SDR42E2: variants seen among roughly 807,000 people sequenced by gnomAD.
The protein encoded by SDR42E2 is putative short-chain dehydrogenase/reductase family 42E member 2.
SDR42E2 carries 20 observed loss-of-function variants against 10.5 expected under a neutral mutation model. The observed-to-expected ratio is 1.90, with a 90% CI of 1.34 to 2.77. The LOEUF (loss-of-function observed/expected upper bound fraction) is 2.77. SDR42E2 is among the 30% of genes most tolerant of loss of function. The pLI, the probability that SDR42E2 is intolerant of heterozygous loss-of-function variation, is 0.00. For missense variants in SDR42E2, 162 were observed against 104.2 expected, an observed-to-expected ratio of 1.55 and a Z score of -2.42; for synonymous variants, 72 against 39.2, an observed-to-expected ratio of 1.84 and a Z score of -3.12.
At position 22,184,187 on chromosome 16, in the gene SDR42E2, A is replaced by C. The variant is rs2046719238; in HGVS notation, c.883A>C (p.Lys295Gln). 2 of 401,214 alleles carry C rather than the reference A, an allele frequency of 5.0e-6. No individual in the cohort carries two copies. The highest frequency in any genetic ancestry group is 8.8e-6 in the Non-Finnish European group (2 of 226,326). 24.9% of individuals were successfully genotyped at this position (401,214 alleles called of 1,614,324 possible). The change falls in exon 11 of 13, where the codon AAG becomes CAG. Residue 295 changes from lysine (K) to glutamine (Q), a missense_variant. By Grantham distance (53) the Lys-to-Gln change is moderately conservative. Coordinates refer to ENST00000602312, the MANE Select transcript of SDR42E2 (RefSeq NM_001394319.2). ...LFEWMAPLFE[K>Q]LGYSQPWIQV... ...AGGTCGTGTTTCTTTGCAGTTTGAG[A>C]AGCTGGGGTACAGCCAGCCCTGGAT...
chr16:22,164,803 T>C (rs2046522009), intron 1 of SDR42E2, among the ~76,000 whole-genome samples: 2 of 152,098 alleles, frequency 1.3e-5, no homozygotes, highest in African/African-American at 4.8e-5. Context: ...CCTCTTTCTC[T>C]TCCTCCTCTT....
intron 7 of SDR42E2, among the ~76,000 whole-genome samples, chr16:22,175,650 C>G (rs1278860148): frequency 6.6e-6 from 1 of 151,034 alleles, no homozygotes; most frequent in African/African-American, 2.4e-5. Context: ...CACTGCATTT[C>G]AGCCTGGGTG....
chr16:22,166,643 T>C (rs934375698), intron 3 of SDR42E2, among the ~76,000 whole-genome samples: 2 of 152,006 alleles, frequency 1.3e-5, no homozygotes, highest in African/African-American at 4.8e-5. Context: ...CAGGGTCTCA[T>C]TGGGAGTTGA....
Position 22,190,728 on chromosome 16 carries a change from C to A in SDR42E2, c.*335C>A, listed in dbSNP as rs998266717. ...GTCCCTGGTCGGCCCAGACGCGTAG[C>A]CCCGAGTCTCTTTCCATGTTTTGAC... On this transcript the variant is annotated 3_prime_UTR_variant, in exon 13 of 13. Coordinates refer to ENST00000602312, the MANE Select transcript of SDR42E2 (RefSeq NM_001394319.2). 7 of 292,024 alleles carry A rather than the reference C, an allele frequency of 2.4e-5. No homozygotes were observed. Among genetic ancestry groups the A allele is most frequent in the African/African-American group, 1.1e-4 (5 of 45,606 alleles). The allele number at this position is 292,024 out of a possible 1,614,324, so 18.1% of individuals were successfully genotyped here.
chr16:22,177,281 T>C (rs554459008), intron 7 of SDR42E2, among the ~76,000 whole-genome samples: 1 of 152,250 alleles, frequency 6.6e-6, no homozygotes, highest in South Asian at 2.1e-4. Context: ...TATATAGTCC[T>C]TATCTATACA....
chr16:22,174,940 G>T (rs1054762760), intron 7 of SDR42E2, among the ~76,000 whole-genome samples: 4 of 152,090 alleles, frequency 2.6e-5, no homozygotes, highest in African/African-American at 9.7e-5. Context: ...CAGGAGTCCC[G>T]CTGCAGTCAC....
rs917116351 is a variant in SDR42E2 at position 22,181,005 on chromosome 16, C to CA, written c.673-506dup. 4.6e-5 allele frequency among the ~76,000 whole-genome samples: 7 copies of CA among 151,680 alleles called. No homozygotes were observed. In the South Asian group the frequency reaches 8.3e-4, roughly 18 times the overall value. ...TGGATAACAGAGCAAGAATCTGTCT[C>CA]AAAAAAAAGAAACAATCAAAGGATC... On this transcript the variant is annotated intron_variant, in intron 8 of 12. Transcript: ENST00000602312.
intron 1 of SDR42E2, among the ~76,000 whole-genome samples, chr16:22,165,083 T>G (rs1397320483): frequency 6.6e-6 from 1 of 151,786 alleles, no homozygotes; most frequent in East Asian, 1.9e-4. Flanking sequence ...GTTTTTTGTT[T>G]GTTTGTTTGT....
intron 6 of SDR42E2, among the ~76,000 whole-genome samples, chr16:22,171,717 G>GATAC (rs2046603182): frequency 6.6e-6 from 1 of 152,050 alleles, no homozygotes; most frequent in Non-Finnish European, 1.5e-5. Context: ...ATTTTTAGTG[G>GATAC]ATACAGGTTT....
intron 5 of SDR42E2, 64 bp from the exon 6 acceptor site, chr16:22,170,769 G>A: frequency 1.4e-6 from 1 of 701,536 alleles, no homozygotes; most frequent in South Asian, 1.5e-5. Flanking sequence ...TGTGTCCCGT[G>A]TGTGTCTGTG....
At chr16:22,185,626 G>A (rs1258590924) in intron 11 of SDR42E2, among the ~76,000 whole-genome samples, 3 of 152,056 alleles carry the variant, frequency 2.0e-5, no homozygotes, top group Admixed American at 2.0e-4. Context: ...TATTTTTTTA[G>A]AGTTAGGGTC....
intron 7 of SDR42E2, among the ~76,000 whole-genome samples, chr16:22,173,185 A>G (rs1255493436): frequency 4.6e-5 from 7 of 152,018 alleles, no homozygotes; most frequent in African/African-American, 1.7e-4. Context: ...CCTATTTTGC[A>G]TGCTATTTTT....
At chr16:22,178,848 G>T (rs1396287865) in intron 8 of SDR42E2, among the ~76,000 whole-genome samples, 3 of 152,224 alleles carry the variant, frequency 2.0e-5, no homozygotes, top group Non-Finnish European at 4.4e-5. Context: ...CACAAACCTG[G>T]AAGTGAGAAA....
At chr16:22,165,947 G>A (rs923379829) in intron 2 of SDR42E2, among the ~76,000 whole-genome samples, 1 of 152,034 alleles carries the variant, frequency 6.6e-6, no homozygotes, top group Non-Finnish European at 1.5e-5. Flanking sequence ...CCTGGGCCAG[G>A]AGCTGGGTCC....
intron 10 of SDR42E2, 78 bp from the exon 11 acceptor site, chr16:22,184,103 C>G (rs1567245139): frequency 5.0e-6 from 2 of 399,000 alleles, no homozygotes; most frequent in Non-Finnish European, 8.9e-6. Flanking sequence ...CTGCTGGTCC[C>G]CGGTAGAGGG....
intron 8 of SDR42E2, among the ~76,000 whole-genome samples, 196 bp downstream of exon 8, chr16:22,178,408 C>A (rs901563829): frequency 1.3e-5 from 2 of 152,334 alleles, no homozygotes; most frequent in African/African-American, 4.8e-5. Context: ...AGGAACAGAG[C>A]TCTCAGAGTG....
chr16:22,183,397 A>G (rs1487946088), intron 10 of SDR42E2, among the ~76,000 whole-genome samples: 1 of 152,048 alleles, frequency 6.6e-6, no homozygotes, highest in Non-Finnish European at 1.5e-5. Flanking sequence ...AGCCCTGTGG[A>G]GTTTTGCTTG....
chr16:22,171,232 T>C (rs995468242), intron 6 of SDR42E2, among the ~76,000 whole-genome samples: 2 of 152,112 alleles, frequency 1.3e-5, no homozygotes, highest in East Asian at 1.9e-4. Flanking sequence ...AGCCTGTTTT[T>C]TTTTCTTTTC....
At chr16:22,171,046 C>T (rs1306334541) in intron 6 of SDR42E2, 95 bp downstream of exon 6, 2 of 689,952 alleles carry the variant, frequency 2.9e-6, no homozygotes, top group Non-Finnish European at 5.3e-6. Flanking sequence ...GGTTTCACAA[C>T]TCAGGATACG....
Sources: gnomAD v4.1 joint callset for allele counts (sites outside exome capture counted in the v4.1 genomes callset) on GRCh38, gnomAD v4.1.1 for gene constraint, MANE v1.5 for transcripts, NCBI Gene and HGNC (gene_info 2026-07-23, HGNC 2026-07-21) for gene names.